Variants in ZNF563 observed in about 807,000 individuals in gnomAD.
ZNF563 encodes the protein zinc finger protein 563.
Under a neutral mutation model 48.5 loss-of-function variants are expected in ZNF563, and 39 were observed. The ratio of observed to expected loss-of-function variants is 0.80; its 90% CI spans 0.62 to 1.05. The LOEUF (loss-of-function observed/expected upper bound fraction) is 1.05, where lower values mean the gene tolerates loss of function less well. Among genes scored for constraint, ZNF563 ranks in the 50% least tolerant of loss-of-function variants. The pLI is 0.00. For missense variants in ZNF563, 538 were observed against 597.0 expected (o/e 0.90, Z 1.03); for synonymous variants, 168 against 187.9 (o/e 0.89, Z 0.87).
chr19:12,322,834 T>A (rs2145805233), intron 1 of ZNF563, 123 bp from the exon 2 acceptor site: 1 of 1,020,638 alleles, frequency 9.8e-7, no homozygotes, highest in Non-Finnish European at 1.3e-6. Context: ...TGTAGTAAAC[T>A]CTCTCATATT....
At chr19:12,343,474 A>T in the ZNF563 span, among the ~76,000 whole-genome samples, 1,349 of 152,240 alleles carry the variant, frequency 8.9e-3, 16 homozygotes, top group African/African-American at 0.031. Context: ...CCTGTCTTTA[A>T]TATTTTTTAA....
At chr19:12,333,636 G>A (rs1968978266), upstream of ZNF563, 2 of 1,157,650 alleles carry the variant, frequency 1.7e-6, no homozygotes, top group Non-Finnish European at 2.4e-6. Context: ...GAGCGACTGA[G>A]TCTAGAGCTG....
the ZNF563 span, chr19:12,346,473 C>A: frequency 6.6e-6 from 1 of 152,118 alleles, no homozygotes; most frequent in East Asian, 1.9e-4. Context: ...AATAGAAACC[C>A]TTATGCATTG....
chr19:12,336,824 C>T (rs181941505), upstream of ZNF563, among the ~76,000 whole-genome samples: 1 of 152,288 alleles, frequency 6.6e-6, no homozygotes, highest in African/African-American at 2.4e-5. Flanking sequence ...CTGAAACCCC[C>T]TCTCAACCCC....
chr19:12,330,065 C>T (rs915876167), intron 1 of ZNF563, among the ~76,000 whole-genome samples: 8 of 152,022 alleles, frequency 5.3e-5, no homozygotes, highest in Admixed American at 2.6e-4. Flanking sequence ...GGATTACAGG[C>T]GCCTGTCACT....
intron 3 of ZNF563, among the ~76,000 whole-genome samples, chr19:12,320,633 G>A (rs1968593651): frequency 6.6e-6 from 1 of 151,938 alleles, no homozygotes; most frequent in South Asian, 2.1e-4. Flanking sequence ...CCAAGCAGCT[G>A]GGGTTACAGG....
At chr19:12,330,279 G>C (rs1336677044) in intron 1 of ZNF563, among the ~76,000 whole-genome samples, 1 of 152,122 alleles carries the variant, frequency 6.6e-6, no homozygotes, top group Non-Finnish European at 1.5e-5. Flanking sequence ...ACCAAAAATA[G>C]ACAGACATTA....
chr19:12,320,643 G>A (rs1402304925), intron 3 of ZNF563, among the ~76,000 whole-genome samples: 2 of 151,958 alleles, frequency 1.3e-5, no homozygotes, highest in East Asian at 2.0e-4. Flanking sequence ...GGGGTTACAG[G>A]TGCATACCCC....
chr19:12,321,529 C>T (rs1968625710), intron 2 of ZNF563, among the ~76,000 whole-genome samples, 197 bp from the exon 3 acceptor site: 2 of 152,186 alleles, frequency 1.3e-5, no homozygotes, highest in South Asian at 2.1e-4. Context: ...ACAGCAACCT[C>T]CGCCTCCTGG....
At chr19:12,340,401 G>A in the ZNF563 span, among the ~76,000 whole-genome samples, 1 of 152,116 alleles carries the variant, frequency 6.6e-6, no homozygotes, top group Non-Finnish European at 1.5e-5. Flanking sequence ...CTACTCAGGA[G>A]ACTGAGGTAG....
chr19:12,322,712 C>A lies in ZNF563; in HGVS notation c.4-1G>T. The stretch of plus-strand genomic sequence containing the variant: ...CCACATCCTCAAAGGCCACTGCGTC[C>A]TGAAACATCCCACATAGATAGAGGA... On this transcript the variant is annotated splice_acceptor_variant, in intron 1 of 3. Coordinates refer to ENST00000293725, the MANE Select transcript of ZNF563 (RefSeq NM_145276.3). LOFTEE classifies it high-confidence loss of function. 1 of 1,599,116 alleles carries A rather than the reference C, an allele frequency of 6.3e-7. No individual in the cohort carries two copies. Among genetic ancestry groups the A allele is most frequent in the Non-Finnish European group, 8.5e-7 (1 of 1,172,104 alleles).
At chr19:12,331,804 T>C (rs375891482) in intron 1 of ZNF563, among the ~76,000 whole-genome samples, 11 of 152,246 alleles carry the variant, frequency 7.2e-5, no homozygotes, top group South Asian at 4.1e-4. Context: ...CAGGAAAAGA[T>C]AGTGTGGGCT....
At chr19:12,339,273 C>CTTTTTTTT in the ZNF563 span, among the ~76,000 whole-genome samples, 10 of 86,470 alleles carry the variant, frequency 1.2e-4, no homozygotes, top group Admixed American at 3.1e-4. Flanking sequence ...CAGTTGATTT[C>CTTTTTTTT]TTTTTTTTTT....
the ZNF563 span, among the ~76,000 whole-genome samples, chr19:12,339,064 G>T: frequency 1.3e-5 from 2 of 152,146 alleles, no homozygotes; most frequent in Non-Finnish European, 2.9e-5. Context: ...TCTCTCAGGA[G>T]TTTGGCTATG....
the ZNF563 span, among the ~76,000 whole-genome samples, chr19:12,345,384 A>T: frequency 6.6e-6 from 1 of 151,946 alleles, no homozygotes; most frequent in South Asian, 2.1e-4. Flanking sequence ...AAAGACAAAC[A>T]GATAGGCCAA....
chr19:12,330,040 C>T (rs550013146), intron 1 of ZNF563, among the ~76,000 whole-genome samples: 4 of 152,198 alleles, frequency 2.6e-5, no homozygotes, highest in African/African-American at 7.2e-5. Context: ...CCTGCCTCAG[C>T]CTCCCGAATA....
the ZNF563 span, among the ~76,000 whole-genome samples, chr19:12,342,607 T>TA: frequency 6.7e-6 from 1 of 150,328 alleles, no homozygotes. Flanking sequence ...ACTCTATCGC[T>TA]ACAAAAAAAA....
intron 3 of ZNF563, among the ~76,000 whole-genome samples, 174 bp downstream of exon 3, chr19:12,321,098 C>CCACT (rs1968609423): frequency 6.6e-6 from 1 of 151,842 alleles, no homozygotes; most frequent in Non-Finnish European, 1.5e-5. Context: ...CAAGATCATG[C>CCACT]CACTGCACTC....
chr19:12,346,787 C>G, the ZNF563 span: 1 of 152,214 alleles, frequency 6.6e-6, no homozygotes, highest in Non-Finnish European at 1.5e-5. Flanking sequence ...GTTCCTGATA[C>G]ATGCTACCAC....
Sources: gnomAD v4.1 joint callset for allele counts (sites outside exome capture counted in the v4.1 genomes callset) on GRCh38, gnomAD v4.1.1 for gene constraint, MANE v1.5 for transcripts, NCBI Gene and HGNC (gene_info 2026-07-23, HGNC 2026-07-21) for gene names.